Variants in GABRG2 observed in about 807,000 individuals in gnomAD.
The protein encoded by GABRG2 is gamma-aminobutyric acid receptor subunit gamma-2.
Under a neutral mutation model 56.4 loss-of-function variants are expected in GABRG2, and 16 were observed. The observed-to-expected ratio is 0.28, with a 90% CI of 0.19 to 0.43. The LOEUF (loss-of-function observed/expected upper bound fraction) is 0.43. Ranked by LOEUF, GABRG2 falls within the 20% of genes least tolerant of loss-of-function variation. The pLI is 1.00. For missense variants in GABRG2, 327 were observed against 582.7 expected, an observed-to-expected ratio of 0.56 and a Z score of 4.52; for synonymous variants, 208 against 205.5, an observed-to-expected ratio of 1.01 and a Z score of -0.10.
At chr5:162,089,493 C>T (rs1045705666) in intron 1 of GABRG2, among the ~76,000 whole-genome samples, 14 of 152,126 alleles carry the variant, frequency 9.2e-5, no homozygotes, top group East Asian at 1.9e-4. Flanking sequence ...ATCATTTTCC[C>T]GCATGTATGT....
At chr5:162,109,389 A>AATATATAT (rs535370579) in intron 6 of GABRG2, among the ~76,000 whole-genome samples, 1,475 of 115,978 alleles carry the variant, frequency 0.013, 18 homozygotes, top group African/African-American at 0.017. Context: ...CTTAAAGTAT[A>AATATATAT]ATATATATAT....
At chr5:162,073,032 A>G (rs1415691991) in intron 1 of GABRG2, among the ~76,000 whole-genome samples, 1 of 151,904 alleles carries the variant, frequency 6.6e-6, no homozygotes, top group Non-Finnish European at 1.5e-5. Flanking sequence ...TGGATGATCT[A>G]TAAGTTATTT....
chr5:162,146,116 C>A lies in GABRG2; in HGVS notation c.923-2992C>A, dbSNP rs555861228. The stretch of plus-strand genomic sequence containing the variant: ...GTTTGTAGATGAGGATCTCAAACCT[C>A]CCTAAGGTTCTACCATGATAATATG... On this transcript the variant is annotated intron_variant, in intron 7 of 9. Transcript: ENST00000639213. 8.3e-4 allele frequency among the ~76,000 whole-genome samples: 126 copies of A among 152,144 alleles called. 1 individual carries two copies. Among genetic ancestry groups the A allele is most frequent in the African/African-American group, 2.8e-3 (116 of 41,434 alleles).
intron 2 of GABRG2, 39 bp downstream of exon 2, chr5:162,094,018 C>T (rs1175841396): frequency 1.9e-6 from 3 of 1,601,700 alleles, no homozygotes; most frequent in Admixed American, 1.7e-5. Flanking sequence ...TAGATAGGAG[C>T]ACATAAACAT....
At chr5:162,110,140 A>G (rs1041554725) in intron 6 of GABRG2, among the ~76,000 whole-genome samples, 1 of 152,150 alleles carries the variant, frequency 6.6e-6, no homozygotes, top group African/African-American at 2.4e-5. Flanking sequence ...CAAGGAATAT[A>G]TAACTAGGAA....
At chr5:162,090,218 A>G (rs1760450535) in intron 1 of GABRG2, among the ~76,000 whole-genome samples, 1 of 152,064 alleles carries the variant, frequency 6.6e-6, no homozygotes, top group African/African-American at 2.4e-5. Context: ...GGAACGTGAG[A>G]ATTTTTATTT....
intron 1 of GABRG2, among the ~76,000 whole-genome samples, chr5:162,084,430 T>A (rs531892143): frequency 6.6e-6 from 1 of 151,968 alleles, no homozygotes; most frequent in African/African-American, 2.4e-5. Flanking sequence ...CCAAAGTAAT[T>A]ATTTACTCTA....
At chr5:162,097,580 A>T in intron 3 of GABRG2, 58 bp from the exon 4 acceptor site, 1 of 1,278,384 alleles carries the variant, frequency 7.8e-7, no homozygotes, top group Non-Finnish European at 1.1e-6. Flanking sequence ...ATATACCAAT[A>T]TTTAAAAAGA....
In GABRG2 at chr5:162,082,310, G is replaced by A. The variant is rs185505799; in HGVS notation, c.108-11518G>A. Among the ~76,000 whole-genome samples, 447 of 151,760 alleles carry A rather than the reference G, an allele frequency of 2.9e-3. 3 individuals carry two copies. The highest frequency in any genetic ancestry group is 0.01 in the African/African-American group (421 of 41,502). ...TACTTTATCTTGTTATTTCATTAAGGCACTCTCATTTTGTAATATGAATTC... is the reference window on the plus strand; with the variant it reads ...TACTTTATCTTGTTATTTCATTAAGACACTCTCATTTTGTAATATGAATTC... On this transcript the variant is annotated intron_variant, in intron 1 of 9. Coordinates refer to ENST00000639213, the MANE Select transcript of GABRG2 (RefSeq NM_198904.4).
chr5:162,089,452 A>G (rs770681932), intron 1 of GABRG2, among the ~76,000 whole-genome samples: 34 of 152,242 alleles, frequency 2.2e-4, no homozygotes, highest in Admixed American at 3.9e-4. Flanking sequence ...AATCCAATGC[A>G]TGGGAATTTT....
intron 6 of GABRG2, among the ~76,000 whole-genome samples, chr5:162,110,077 C>A (rs3797866): frequency 0.083 from 12,596 of 152,024 alleles, 911 homozygotes; most frequent in East Asian, 0.25. Flanking sequence ...TGTTTTTAAT[C>A]CCAGTTTTTT....
In GABRG2 at chr5:162,137,908, C is replaced by T. The variant is rs900447405; in HGVS notation, c.770-4256C>T. Among the ~76,000 whole-genome samples, 5 of 151,638 alleles carry T rather than the reference C, an allele frequency of 3.3e-5. No individual in the cohort carries two copies. The East Asian group carries it at 5.8e-4, about 18-fold the overall frequency. On this transcript the variant is annotated intron_variant, in intron 6 of 9. Transcript: ENST00000639213. Reference sequence around the variant, plus strand: ...CTGGGACTACAGGTGCATGCCACCACGCCTGGCTAATTTTTGGTATTTTTT... The same window carrying T: ...CTGGGACTACAGGTGCATGCCACCATGCCTGGCTAATTTTTGGTATTTTTT...
At chr5:162,084,738 G>A (rs941216765) in intron 1 of GABRG2, among the ~76,000 whole-genome samples, 1 of 151,760 alleles carries the variant, frequency 6.6e-6, no homozygotes, top group Non-Finnish European at 1.5e-5. Flanking sequence ...TTTCCTACTT[G>A]ATACATTTCT....
At chr5:162,101,365 T>C in intron 5 of GABRG2, 48 bp downstream of exon 5, 1 of 1,210,760 alleles carries the variant, frequency 8.3e-7, no homozygotes, top group Non-Finnish European at 1.2e-6. Flanking sequence ...CCTACAGTCT[T>C]TCTGATTGCC....
intron 5 of GABRG2, chr5:162,101,656 T>G (rs536796363): frequency 2.0e-5 from 6 of 303,690 alleles, no homozygotes; most frequent in Non-Finnish European, 3.8e-5. Flanking sequence ...TTATATATCC[T>G]CTTCCTTTCT....
chr5:162,074,731 A>C (rs1170707638), intron 1 of GABRG2, among the ~76,000 whole-genome samples: 1 of 152,126 alleles, frequency 6.6e-6, no homozygotes, highest in Admixed American at 6.6e-5. Context: ...AGTAGAAATT[A>C]ATGTATAATT....
chr5:162,102,941 C>G (rs1018549868), intron 5 of GABRG2: 1 of 157,334 alleles, frequency 6.4e-6, no homozygotes, highest in Non-Finnish European at 1.4e-5. Context: ...AATCAGTGTT[C>G]ATAATCAAAC....
chr5:162,149,176 T>C lies in GABRG2; in HGVS notation c.991T>C (p.Tyr331His). ...CCGGAAATCGCTCCCCAAGGTCTCC[T>C]ATGTCACAGCGATGGATCTCTTTGT... ...IARKSLPKVS[Y>H]VTAMDLFVSV... Residue 331 changes from tyrosine (Y) to histidine (H), a missense_variant, in exon 8 of 10, where the codon TAT (tyrosine) becomes CAT (histidine). Physicochemically the swap from Tyr to His is moderately conservative, Grantham distance 83. This residue lies in a region of GABRG2 where 42 missense variants were observed against 156.9 expected (regional missense o/e 0.27). Transcript: ENST00000639213. 6.2e-7 allele frequency: 1 copy of C among 1,614,162 alleles called. No individual in the cohort carries two copies. Among genetic ancestry groups the C allele is most frequent in the Non-Finnish European group, 8.5e-7 (1 of 1,180,028 alleles).
Position 162,067,795 on chromosome 5 carries a change from A to G in GABRG2, c.-205A>G, listed in dbSNP as rs1192545357. ...GCTGCCAGAGTGACGCTTTGATGGT[A>G]TCTGCAAGCGTTTTTGCTGATCTTA... On this transcript the variant is annotated 5_prime_UTR_variant, in exon 1 of 10. Transcript: ENST00000639213. 1.6e-6 allele frequency: 1 copy of G among 614,406 alleles called. No homozygotes were observed. The highest frequency in any genetic ancestry group is 2.9e-6 in the Non-Finnish European group (1 of 348,416). 38.1% of individuals were successfully genotyped at this position (614,406 alleles called of 1,614,324 possible). A position where few individuals can be genotyped will look rare whatever the true frequency, so the allele number is the denominator to read the frequency against.
Sources: allele counts gnomAD v4.1 joint callset (sites outside exome capture counted in the v4.1 genomes callset), GRCh38; gene constraint gnomAD v4.1.1; regional missense constraint gnomAD v4.1.1; transcripts MANE v1.5; gene names NCBI Gene and HGNC (gene_info 2026-07-23, HGNC 2026-07-21).